SH2D4A: variants seen among roughly 807,000 people sequenced by gnomAD.
The protein encoded by SH2D4A is SH2 domain-containing protein 4A.
A neutral mutation model predicts 64.7 loss-of-function variants in SH2D4A; 70 were observed. The ratio of observed to expected loss-of-function variants is 1.08; its 90% CI spans 0.89 to 1.32. SH2D4A has a LOEUF of 1.32. SH2D4A is among the 40% of genes most tolerant of loss of function. SH2D4A has a pLI of 0.00. For synonymous variants in SH2D4A, 268 were observed against 200.7 expected (o/e 1.34, Z -2.83); for missense variants, 706 against 540.1 (o/e 1.31, Z -3.04).
intron 4 of SH2D4A, among the ~76,000 whole-genome samples, chr8:19,354,781 G>A (rs1179757129): frequency 6.6e-6 from 1 of 152,162 alleles, no homozygotes; most frequent in Non-Finnish European, 1.5e-5. Flanking sequence ...ATATTGAGGG[G>A]AAACTGACAA....
At chr8:19,391,575 C>G (rs1371030814) in intron 8 of SH2D4A, among the ~76,000 whole-genome samples, 1 of 152,216 alleles carries the variant, frequency 6.6e-6, no homozygotes, top group Non-Finnish European at 1.5e-5. Context: ...CCACTCCCAG[C>G]TCTTACCTGG....
chr8:19,380,835 G>A (rs978156053), intron 8 of SH2D4A, among the ~76,000 whole-genome samples: 12 of 152,000 alleles, frequency 7.9e-5, no homozygotes, highest in Admixed American at 7.2e-4. Flanking sequence ...CTTCTTTTTC[G>A]GGAGTGTTTT....
chr8:19,364,678 A>C (rs920707918), intron 7 of SH2D4A, among the ~76,000 whole-genome samples: 5 of 152,104 alleles, frequency 3.3e-5, no homozygotes, highest in Admixed American at 6.5e-5. Flanking sequence ...CCCTTAGTCA[A>C]AGATTATCAA....
intron 7 of SH2D4A, among the ~76,000 whole-genome samples, chr8:19,366,480 C>G (rs985842846): frequency 1.3e-5 from 2 of 152,154 alleles, no homozygotes; most frequent in Admixed American, 6.5e-5. Context: ...CCAGCCTCTG[C>G]TAACCACTGT....
At chr8:19,393,107 A>T (rs1585219953) in intron 8 of SH2D4A, among the ~76,000 whole-genome samples, 1 of 152,140 alleles carries the variant, frequency 6.6e-6, no homozygotes. Flanking sequence ...CATGATTTTT[A>T]TACAGTTTGC....
intron 4 of SH2D4A, among the ~76,000 whole-genome samples, chr8:19,349,295 A>G (rs1226182876): frequency 6.6e-6 from 1 of 152,214 alleles, no homozygotes. Context: ...CACGGTAGGT[A>G]ATTTGTAGAA....
At chr8:19,352,848 A>G (rs1395371693) in intron 4 of SH2D4A, among the ~76,000 whole-genome samples, 1 of 152,112 alleles carries the variant, frequency 6.6e-6, no homozygotes, top group African/African-American at 2.4e-5. Flanking sequence ...CTCTACTAAA[A>G]TTAAAAAAAA....
chr8:19,361,010 A>G (rs1429924696), intron 5 of SH2D4A, 193 bp from the exon 6 acceptor site: 2 of 397,020 alleles, frequency 5.0e-6, no homozygotes, highest in Non-Finnish European at 9.2e-6. Flanking sequence ...CACACTAGCT[A>G]GCAATGGTCA....
Position 19,381,718 on chromosome 8 carries a change from A to G in SH2D4A, c.1048+8058A>G, listed in dbSNP as rs142905859. Among the ~76,000 whole-genome samples, 662 of 152,270 alleles carry G rather than the reference A, an allele frequency of 4.3e-3. 6 individuals carry two copies. Among genetic ancestry groups the G allele is most frequent in the African/African-American group, 0.015 (644 of 41,566 alleles). ...AGAAATGGCAAAAGTGGGCATCCCT[A>G]CCTTATTCCTGATGTTAGAAGAAAT... On this transcript the variant is annotated intron_variant, in intron 8 of 9. Coordinates refer to ENST00000265807, the MANE Select transcript of SH2D4A (RefSeq NM_022071.4).
At chr8:19,348,762 C>T (rs2052651291) in intron 4 of SH2D4A, among the ~76,000 whole-genome samples, 1 of 152,172 alleles carries the variant, frequency 6.6e-6, no homozygotes, top group Non-Finnish European at 1.5e-5. Flanking sequence ...GAGTGAAAAG[C>T]AGTATTAGCA....
In SH2D4A at chr8:19,361,295, C is replaced by T. The variant is rs760328444; in HGVS notation, c.687C>T (p.Asp229=). ...AGATTTGTAAGAGCTGGAAAGAAGA[C>T]TCGGAATGGCAGGCATCTCGTGAGT... The part of the protein sequence containing the change: ...TKQICKSWKE[D]SEWQASLRKS... Residue 229 remains aspartate (D), a synonymous_variant, in exon 6 of 10, where the codon GAC becomes GAT. Coordinates refer to ENST00000265807, the MANE Select transcript of SH2D4A (RefSeq NM_022071.4). 12 of 1,611,262 alleles carry T rather than the reference C, an allele frequency of 7.4e-6. No individual in the cohort carries two copies. The South Asian group carries it at 1.2e-4, about 16-fold the overall frequency.
intron 9 of SH2D4A, 128 bp downstream of exon 9, chr8:19,393,669 C>A: frequency 1.2e-6 from 1 of 813,538 alleles, no homozygotes; most frequent in Non-Finnish European, 1.9e-6. Flanking sequence ...GGGGGCTTGT[C>A]TTTGATAATT....
chr8:19,328,798 G>C (rs1015730515), intron 2 of SH2D4A, among the ~76,000 whole-genome samples: 4 of 152,204 alleles, frequency 2.6e-5, no homozygotes, highest in African/African-American at 9.6e-5. Flanking sequence ...TAGCAGGCCT[G>C]TGAGGTAGGA....
chr8:19,357,839 A>G (rs58359585), intron 5 of SH2D4A, among the ~76,000 whole-genome samples: 2,665 of 152,282 alleles, frequency 0.018, 75 homozygotes, highest in African/African-American at 0.06. Flanking sequence ...TAAATGAGGC[A>G]TAGACTGGTA....
At chr8:19,328,456 C>A (rs562734051) in intron 2 of SH2D4A, among the ~76,000 whole-genome samples, 1 of 152,238 alleles carries the variant, frequency 6.6e-6, no homozygotes, top group South Asian at 2.1e-4. Flanking sequence ...AGGATTCTGG[C>A]ATCATCTTTG....
chr8:19,391,557 C>G (rs1001211947), intron 8 of SH2D4A, among the ~76,000 whole-genome samples: 1 of 152,120 alleles, frequency 6.6e-6, no homozygotes, highest in Non-Finnish European at 1.5e-5. Flanking sequence ...GGAGACTGGC[C>G]TTTTCACCCA....
intron 4 of SH2D4A, among the ~76,000 whole-genome samples, chr8:19,351,250 G>A (rs1440128400): frequency 6.6e-6 from 1 of 151,540 alleles, no homozygotes; most frequent in African/African-American, 2.4e-5. Context: ...GGCAAAATGG[G>A]TGAGCTATAG....
chr8:19,328,957 T>G (rs1475100262), intron 2 of SH2D4A, among the ~76,000 whole-genome samples: 1 of 152,168 alleles, frequency 6.6e-6, no homozygotes, highest in African/African-American at 2.4e-5. Flanking sequence ...TTTCAGTCCC[T>G]TAGCCAGGTG....
chr8:19,364,371 C>T lies in SH2D4A; in HGVS notation c.917+89C>T, dbSNP rs1747432146. 6.2e-6 allele frequency: 9 copies of T among 1,458,376 alleles called. No individual in the cohort carries two copies. In the South Asian group the frequency reaches 9.9e-5, roughly 16 times the overall value. 90.3% of individuals were successfully genotyped at this position (1,458,376 alleles called of 1,614,324 possible). A position where few individuals can be genotyped will look rare whatever the true frequency, so the allele number is the denominator to read the frequency against. The stretch of plus-strand genomic sequence containing the variant: ...ATTAAAGGGGAATTGTATGAGCTGC[C>T]ATGGGGTGTGGAGGGCCAACTGGCA... On this transcript the variant is annotated intron_variant, in intron 7 of 9. Transcript: ENST00000265807.
Sources: allele counts gnomAD v4.1 joint callset (sites outside exome capture counted in the v4.1 genomes callset), GRCh38; gene constraint gnomAD v4.1.1; transcripts MANE v1.5; gene names NCBI Gene and HGNC (gene_info 2026-07-23, HGNC 2026-07-21).